Variants in KHDRBS3 observed in about 807,000 individuals in gnomAD.
KHDRBS3 encodes the protein KH domain-containing, RNA-binding, signal transduction-associated protein 3.
A neutral mutation model predicts 45.6 loss-of-function variants in KHDRBS3; 23 were observed. The ratio of observed to expected loss-of-function variants is 0.50; its 90% confidence interval spans 0.36 to 0.72. KHDRBS3 has a LOEUF of 0.72. Ranked by LOEUF, KHDRBS3 falls within the 30% of genes least tolerant of loss-of-function variation. The pLI is 0.00. For missense variants in KHDRBS3, 352 were observed against 424.8 expected, an observed-to-expected ratio of 0.83 and a Z score of 1.51; for synonymous variants, 162 against 156.5, an observed-to-expected ratio of 1.04 and a Z score of -0.26.
rs1472502837 is a variant in KHDRBS3 at position 135,540,992 on chromosome 8, T to G, written c.208-1662T>G. 3 of 152,244 alleles carry G rather than the reference T, an allele frequency of 2.0e-5. No homozygotes were observed. In the East Asian group the frequency reaches 5.8e-4, roughly 29 times the overall value. 9.4% of individuals were successfully genotyped at this position (152,244 alleles called of 1,614,324 possible). On this transcript the variant is annotated intron_variant, in intron 2 of 8. Coordinates refer to ENST00000355849, the MANE Select transcript of KHDRBS3 (RefSeq NM_006558.3). ...AAACTCCAAGGCGGGGACAGGCTGC[T>G]GTCATCAATATCTTCAGAAAGGATG...
chr8:135,517,318 T>C (rs1488472220), intron 1 of KHDRBS3, among the ~76,000 whole-genome samples: 2 of 152,158 alleles, frequency 1.3e-5, no homozygotes, highest in African/African-American at 4.8e-5. Flanking sequence ...GAAAATCTGA[T>C]TGGGTTTTCT....
chr8:135,584,253 C>T (rs934516944), intron 6 of KHDRBS3, among the ~76,000 whole-genome samples: 4 of 152,216 alleles, frequency 2.6e-5, no homozygotes, highest in South Asian at 2.1e-4. Flanking sequence ...AAATAACTGA[C>T]GGTCATATCC....
intron 1 of KHDRBS3, among the ~76,000 whole-genome samples, chr8:135,503,347 A>C (rs755327190): frequency 6.6e-6 from 1 of 152,174 alleles, no homozygotes; most frequent in African/African-American, 2.4e-5. Flanking sequence ...GGAAGCCAAC[A>C]TATTTTTTCC....
intron 6 of KHDRBS3, among the ~76,000 whole-genome samples, chr8:135,591,733 T>C (rs1456728128): frequency 6.6e-6 from 1 of 152,224 alleles, no homozygotes; most frequent in African/African-American, 2.4e-5. Flanking sequence ...GTGGATTTTA[T>C]TTAAGGACTC....
Position 135,624,451 on chromosome 8 carries a change from T to G in KHDRBS3, c.890+17414T>G, listed in dbSNP as rs142089231. Among the ~76,000 whole-genome samples the G allele has an allele frequency of 5.9e-3, 897 of 152,278 alleles. 4 individuals are homozygous for G. The highest frequency in any genetic ancestry group is 0.02 in the African/African-American group (841 of 41,550). On this transcript the variant is annotated intron_variant, in intron 7 of 8. Transcript: ENST00000355849. ...CCAAAAACATAATACATAGAAATTT[T>G]GGGGATAACTGGAAAAATAGAAATG...
chr8:135,458,764 A>G, intron 1 of KHDRBS3: 1 of 422,992 alleles, frequency 2.4e-6, no homozygotes, highest in South Asian at 1.7e-5. Flanking sequence ...CCATTTTCAC[A>G]CGACTCCAGC....
At chr8:135,552,643 G>GT (rs1420426766) in intron 4 of KHDRBS3, among the ~76,000 whole-genome samples, 1 of 151,844 alleles carries the variant, frequency 6.6e-6, no homozygotes, top group Non-Finnish European at 1.5e-5. Flanking sequence ...TTGCTGAGGT[G>GT]TTTTTTAATT....
intron 5 of KHDRBS3, among the ~76,000 whole-genome samples, chr8:135,561,281 G>T (rs922322018): frequency 1.3e-5 from 2 of 152,122 alleles, no homozygotes; most frequent in African/African-American, 4.8e-5. Flanking sequence ...GCTACTATTG[G>T]TTGAGTACTT....
intron 5 of KHDRBS3, among the ~76,000 whole-genome samples, chr8:135,565,739 T>C (rs191457985): frequency 3.9e-5 from 6 of 152,300 alleles, no homozygotes; most frequent in African/African-American, 7.2e-5. Context: ...CTGGAAACTT[T>C]GGCCTGTGAT....
At chr8:135,594,761 AC>A (rs1488220460) in intron 6 of KHDRBS3, among the ~76,000 whole-genome samples, 2 of 152,214 alleles carry the variant, frequency 1.3e-5, no homozygotes, top group Admixed American at 6.5e-5. Context: ...GGGATGTGGC[AC>A]AATAGGAACT....
At chr8:135,484,968 G>A (rs1340938606) in intron 1 of KHDRBS3, among the ~76,000 whole-genome samples, 4 of 152,142 alleles carry the variant, frequency 2.6e-5, no homozygotes, top group Non-Finnish European at 4.4e-5. Context: ...TGGAGCACAC[G>A]AAGATAAGAA....
chr8:135,607,472 A>G (rs574066906), intron 7 of KHDRBS3, among the ~76,000 whole-genome samples: 11 of 152,324 alleles, frequency 7.2e-5, no homozygotes, highest in East Asian at 1.9e-4. Flanking sequence ...CCTGTTTTCT[A>G]TCAACTTCAA....
chr8:135,486,263 G>C (rs142884037), intron 1 of KHDRBS3, among the ~76,000 whole-genome samples: 18 of 152,032 alleles, frequency 1.2e-4, no homozygotes, highest in Admixed American at 3.3e-4. Flanking sequence ...ATGAAGGAAG[G>C]GTTTTTGTAT....
intron 1 of KHDRBS3, among the ~76,000 whole-genome samples, chr8:135,480,686 GCAAT>G (rs1822519096): frequency 2.0e-5 from 3 of 152,062 alleles, no homozygotes. Context: ...TTTCCATAAA[GCAAT>G]CAATTTGAGA....
chr8:135,492,935 G>A (rs1823232274), intron 1 of KHDRBS3, among the ~76,000 whole-genome samples: 1 of 152,052 alleles, frequency 6.6e-6, no homozygotes, highest in South Asian at 2.1e-4. Flanking sequence ...ACAATATTGA[G>A]TCTTCTGATC....
chr8:135,463,974 A>G (rs1354615217), intron 1 of KHDRBS3, among the ~76,000 whole-genome samples: 3 of 152,174 alleles, frequency 2.0e-5, no homozygotes, highest in Non-Finnish European at 2.9e-5. Context: ...AAGATCTTGC[A>G]AGGTAGGAGG....
At chr8:135,651,377 G>A (rs965191937), downstream of KHDRBS3, among the ~76,000 whole-genome samples, 1 of 151,420 alleles carries the variant, frequency 6.6e-6, no homozygotes, top group African/African-American at 2.4e-5. Context: ...AGCATGCCTG[G>A]GACAAATAAA....
chr8:135,479,195 A>G (rs1458179781), intron 1 of KHDRBS3, among the ~76,000 whole-genome samples: 6 of 152,250 alleles, frequency 3.9e-5, no homozygotes, highest in Admixed American at 3.9e-4. Flanking sequence ...GAACAACTAT[A>G]TGCTAATAAA....
intron 1 of KHDRBS3, 118 bp downstream of exon 1, chr8:135,458,072 CCGGGTG>C: frequency 7.2e-7 from 1 of 1,393,384 alleles, no homozygotes; most frequent in Non-Finnish European, 9.3e-7. Context: ...AGACGGAGGC[CCGGGTG>C]GCCCCCGGGG....
Sources: allele counts gnomAD v4.1 joint callset (sites outside exome capture counted in the v4.1 genomes callset), GRCh38; gene constraint gnomAD v4.1.1; transcripts MANE v1.5; gene names NCBI Gene and HGNC (gene_info 2026-07-23, HGNC 2026-07-21).